The following MINDY2 variants were observed in gnomAD, a reference collection of about 807,000 sequenced individuals.
MINDY2 encodes the protein ubiquitin carboxyl-terminal hydrolase MINDY-2.
In MINDY2, 52 loss-of-function variants were observed where a neutral mutation model predicts 68.2. That is an observed-to-expected ratio of 0.76 (90% CI 0.61 to 0.96). The LOEUF (loss-of-function observed/expected upper bound fraction) is 0.96, where lower values mean the gene tolerates loss of function less well. Ranked by LOEUF, MINDY2 falls within the 40% of genes least tolerant of loss-of-function variation. The pLI, the probability that MINDY2 is intolerant of heterozygous loss-of-function variation, is 0.00. For synonymous variants in MINDY2, 372 were observed against 303.0 expected, an observed-to-expected ratio of 1.23 and a Z score of -2.36; for missense variants, 881 against 773.4, an observed-to-expected ratio of 1.14 and a Z score of -1.65.
intron 6 of MINDY2, among the ~76,000 whole-genome samples, chr15:58,832,439 G>C (rs2031777769): frequency 6.6e-6 from 1 of 151,714 alleles, no homozygotes; most frequent in African/African-American, 2.4e-5. Flanking sequence ...ATGTTGGTCA[G>C]GCTGGTGTCA....
intron 3 of MINDY2, among the ~76,000 whole-genome samples, chr15:58,805,722 A>G (rs755930073): frequency 6.6e-6 from 1 of 151,992 alleles, no homozygotes; most frequent in Non-Finnish European, 1.5e-5. Flanking sequence ...ATACTTACCC[A>G]AGAGTTTAAA....
intron 2 of MINDY2, among the ~76,000 whole-genome samples, chr15:58,794,916 A>G (rs2555357): frequency 0.54 from 82,457 of 151,740 alleles, 24,814 homozygotes; most frequent in East Asian, 0.94. Context: ...GGCCGGGCGC[A>G]GTGGCTCACG....
intron 4 of MINDY2, among the ~76,000 whole-genome samples, chr15:58,820,156 C>T (rs1014738458): frequency 1.3e-5 from 2 of 152,070 alleles, no homozygotes; most frequent in African/African-American, 4.8e-5. Context: ...GTCTCAGCTA[C>T]TAGGGAGGCT....
chr15:58,843,701 G>A (rs1185675710), intron 6 of MINDY2, among the ~76,000 whole-genome samples: 1 of 151,876 alleles, frequency 6.6e-6, no homozygotes, highest in South Asian at 2.1e-4. Context: ...GGGCGTGGTG[G>A]TGGGCACCTG....
At chr15:58,830,014 C>T (rs1301961888) in intron 5 of MINDY2, among the ~76,000 whole-genome samples, 1 of 152,132 alleles carries the variant, frequency 6.6e-6, no homozygotes, top group Non-Finnish European at 1.5e-5. Flanking sequence ...ACTTATGAAA[C>T]TTTTTAGGGC....
At chr15:58,787,685 C>G (rs1260465576) in intron 1 of MINDY2, among the ~76,000 whole-genome samples, 1 of 147,284 alleles carries the variant, frequency 6.8e-6, no homozygotes, top group African/African-American at 2.5e-5. Flanking sequence ...TGCAGTGAGC[C>G]GAGATTGCGC....
At position 58,854,605 on chromosome 15, in the gene MINDY2, T is replaced by G. The variant is rs1236602268; in HGVS notation, c.1861T>G (p.Leu621Val). The change falls in exon 9 of 9, where the codon TTG (leucine) becomes GTG (valine). Residue 621 changes from leucine to valine, a missense_variant. Physicochemically the swap from Leu to Val is conservative, Grantham distance 32. Coordinates refer to ENST00000559228, the MANE Select transcript of MINDY2 (RefSeq NM_001040450.3). ...KEKEKNSCVI[L>V] Reference sequence around the variant, plus strand: ...AAAGGAAAAAAATAGCTGTGTTATTTTGTAACAAGTGTTGGCTTCTGTTGG... The same window carrying G: ...AAAGGAAAAAAATAGCTGTGTTATTGTGTAACAAGTGTTGGCTTCTGTTGG... 3 of 1,606,794 alleles carry G rather than the reference T, an allele frequency of 1.9e-6. No individual in the cohort carries two copies. Among genetic ancestry groups the G allele is most frequent in the African/African-American group, 1.3e-5 (1 of 74,796 alleles).
chr15:58,831,055 A>ATATATATATATATATATG lies in MINDY2; in HGVS notation c.1226-714_1226-713insATATATATATATGTATAT, dbSNP rs1204574446. ...TGTGTGTGTGTGTATATATATATAT[A>ATATATATATATATATATG]TATATGTTTTAAATTATACCCCGGA... is the stretch of plus-strand genomic sequence containing the variant. On this transcript the variant is annotated intron_variant, in intron 5 of 8. Coordinates refer to ENST00000559228, the MANE Select transcript of MINDY2 (RefSeq NM_001040450.3). 7.9e-4 allele frequency among the ~76,000 whole-genome samples: 115 copies of ATATATATATATATATATG among 145,540 alleles called. 6 individuals are homozygous for ATATATATATATATATATG. Among genetic ancestry groups the ATATATATATATATATATG allele is most frequent in the Middle Eastern group, 3.5e-3 (1 of 286 alleles).
In MINDY2 at chr15:58,789,541, C is replaced by T. The variant is rs537639388; in HGVS notation, c.898+1578C>T. 9.9e-5 allele frequency among the ~76,000 whole-genome samples: 15 copies of T among 151,952 alleles called. No individual in the cohort carries two copies. The East Asian group carries it at 2.9e-3, about 29-fold the overall frequency. On this transcript the variant is annotated intron_variant, in intron 2 of 8. Transcript: ENST00000559228. ...GCGTGATCATGACTTGCTGCAATCT[C>T]GACCTCCCTAGGCTCAGGTGATCCT...
At chr15:58,801,380 T>TAAAAA (rs1188514448) in intron 2 of MINDY2, among the ~76,000 whole-genome samples, 18 of 22,618 alleles carry the variant, frequency 8.0e-4, no homozygotes, top group South Asian at 4.3e-3. Flanking sequence ...CCCCATCTCT[T>TAAAAA]AAAAAAAAAA....
chr15:58,856,960 A>T lies in MINDY2; in HGVS notation c.*2350A>T, dbSNP rs558066049. ...TGCTGCCATACTGCATTCCCTCTGG[A>T]AGGAAACAAAACAAAACAAAACTCA... On this transcript the variant is annotated 3_prime_UTR_variant, in exon 9 of 9. Transcript: ENST00000559228. The T allele has an allele frequency of 6.6e-6, 1 of 152,340 alleles. No individual in the cohort carries two copies. Among genetic ancestry groups the T allele is most frequent in the East Asian group, 1.9e-4 (1 of 5,194 alleles). 9.4% of individuals were successfully genotyped at this position (152,340 alleles called of 1,614,324 possible). A position where few individuals can be genotyped will look rare whatever the true frequency, so the allele number is the denominator to read the frequency against.
chr15:58,771,672 G>A lies in MINDY2; in HGVS notation c.277G>A (p.Glu93Lys), dbSNP rs757910331. 2 of 1,612,596 alleles carry A rather than the reference G, an allele frequency of 1.2e-6. No homozygotes were observed. The highest frequency in any genetic ancestry group is 1.7e-6 in the Non-Finnish European group (2 of 1,179,896). Residue 93 changes from glutamate (E) to lysine (K), a missense_variant, in exon 1 of 9, where the codon GAG becomes AAG. Physicochemically the swap from Glu to Lys is moderately conservative, Grantham distance 56 (BLOSUM62 1). Transcript: ENST00000559228. ...TTTGGACTTGAAGGACAGTGGTTTGGAGAGTCCTGCTGCCGCCGAGGCGCC... is the reference window on the plus strand; with the variant it reads ...TTTGGACTTGAAGGACAGTGGTTTGAAGAGTCCTGCTGCCGCCGAGGCGCC... ...AGLDLKDSGL[E>K]SPAAAEAPLR...
chr15:58,842,602 T>C (rs1296869967), intron 6 of MINDY2, among the ~76,000 whole-genome samples: 2 of 152,154 alleles, frequency 1.3e-5, no homozygotes, highest in Admixed American at 6.5e-5. Context: ...GATGATTCCA[T>C]AGTACAAGCA....
rs1014342414 is a variant in MINDY2 at position 58,808,350 on chromosome 15, C to T, written c.964-1880C>T. ...GAATAGTTTCACTGTCCTAAAAGTT[C>T]TCTGTACTCTGCCTGTTCATTCCTC... On this transcript the variant is annotated intron_variant, in intron 3 of 8. Transcript: ENST00000559228. 7.2e-5 allele frequency among the ~76,000 whole-genome samples: 11 copies of T among 152,264 alleles called. No homozygotes were observed. The South Asian group carries it at 2.3e-3, about 32-fold the overall frequency.
chr15:58,843,538 G>C (rs1468018886), intron 6 of MINDY2, among the ~76,000 whole-genome samples: 1 of 152,050 alleles, frequency 6.6e-6, no homozygotes, highest in Non-Finnish European at 1.5e-5. Flanking sequence ...AAAAGAACAC[G>C]GAATGAAAAC....
chr15:58,780,228 A>G (rs1901044478), intron 1 of MINDY2, among the ~76,000 whole-genome samples: 1 of 151,954 alleles, frequency 6.6e-6, no homozygotes, highest in South Asian at 2.1e-4. Context: ...AACGTGGAGA[A>G]ACCCCTTCTC....
At chr15:58,831,014 G>GT (rs1161468732) in intron 5 of MINDY2, among the ~76,000 whole-genome samples, 4 of 115,530 alleles carry the variant, frequency 3.5e-5, no homozygotes, top group African/African-American at 4.1e-5. Flanking sequence ...ATGAAGATCA[G>GT]TTGTGTGTGT....
intron 1 of MINDY2, among the ~76,000 whole-genome samples, chr15:58,778,184 T>C (rs1900897661): frequency 6.6e-6 from 1 of 152,172 alleles, no homozygotes; most frequent in South Asian, 2.1e-4. Flanking sequence ...ACAAAAAACT[T>C]ACATGTAACC....
chr15:58,828,700 A>G (rs1165354107), intron 5 of MINDY2, among the ~76,000 whole-genome samples: 4 of 147,790 alleles, frequency 2.7e-5, no homozygotes, highest in Non-Finnish European at 5.9e-5. Context: ...AGCTGGGACT[A>G]CAGGCGCCTG....
Sources: allele counts gnomAD v4.1 joint callset (sites outside exome capture counted in the v4.1 genomes callset), GRCh38; gene constraint gnomAD v4.1.1; transcripts MANE v1.5; gene names NCBI Gene and HGNC (gene_info 2026-07-23, HGNC 2026-07-21).